The following FGF14 variants were observed in gnomAD, a reference collection of about 807,000 sequenced individuals.
FGF14 encodes fibroblast growth factor homologous factor 4.
Under a neutral mutation model 25.5 loss-of-function variants are expected in FGF14, and 5 were observed. The ratio of observed to expected loss-of-function variants is 0.20; its 90% CI spans 0.10 to 0.41. The LOEUF (loss-of-function observed/expected upper bound fraction) is 0.41, where lower values mean the gene tolerates loss of function less well. FGF14 is among the 10% of genes least tolerant of loss of function. FGF14 has a pLI of 1.00. For missense variants in FGF14, 222 were observed against 320.1 expected (o/e 0.69, Z 2.34); for synonymous variants, 138 against 118.3 (o/e 1.17, Z -1.08).
At chr13:101,759,196 C>T (rs987528237) in intron 3 of FGF14, among the ~76,000 whole-genome samples, 1 of 152,158 alleles carries the variant, frequency 6.6e-6, no homozygotes, top group Admixed American at 6.5e-5. Flanking sequence ...ACTTTTCTGT[C>T]CCCTTCCACT....
intron 3 of FGF14, among the ~76,000 whole-genome samples, chr13:101,744,119 T>C (rs1224456127): frequency 6.6e-6 from 1 of 152,166 alleles, no homozygotes; most frequent in Non-Finnish European, 1.5e-5. Flanking sequence ...CTTTGTATCT[T>C]ACTAAGGTAT....
rs976577378 is a variant in FGF14, at chr13:102,204,379, C to G, written c.208+197092G>C. On this transcript the variant is annotated intron_variant, in intron 1 of 4. Coordinates refer to the FGF14 transcript ENST00000376131. ...GATTTGGGCTGGATAAACTGGACAA[C>G]CTCATCTCCCACCCACTGTAACCAC... Among the ~76,000 whole-genome samples the G allele has an allele frequency of 3.3e-5, 5 of 152,126 alleles. No individual in the cohort carries two copies. In the East Asian group the frequency reaches 9.7e-4, roughly 29 times the overall value.
intron 1 of FGF14, among the ~76,000 whole-genome samples, chr13:102,326,770 G>C (rs1359628509): frequency 3.2e-5 from 4 of 123,524 alleles, no homozygotes; most frequent in Non-Finnish European, 5.0e-5. Context: ...AGGGAAGGAA[G>C]GAAGAAAAAA....
chr13:102,211,539 A>T (rs935180605), intron 1 of FGF14, among the ~76,000 whole-genome samples: 4 of 152,168 alleles, frequency 2.6e-5, no homozygotes, highest in Non-Finnish European at 5.9e-5. Flanking sequence ...AGTTAGAGTT[A>T]AGGGGGGAAA....
At chr13:102,318,000 AT>A (rs1207762981) in intron 1 of FGF14, among the ~76,000 whole-genome samples, 2 of 152,262 alleles carry the variant, frequency 1.3e-5, no homozygotes, top group East Asian at 3.9e-4. Context: ...GTCATGCTTG[AT>A]TTTTAATTTT....
At chr13:101,914,918 G>A (rs1239331869) in intron 1 of FGF14, among the ~76,000 whole-genome samples, 2 of 152,254 alleles carry the variant, frequency 1.3e-5, no homozygotes, top group African/African-American at 2.4e-5. Flanking sequence ...TTGATCCTCC[G>A]TCTATCAACG....
chr13:102,129,523 C>G (rs1406852549), intron 1 of FGF14, among the ~76,000 whole-genome samples: 1 of 150,334 alleles, frequency 6.7e-6, no homozygotes, highest in African/African-American at 2.5e-5. Flanking sequence ...CTCTATTTGA[C>G]ACGAATAAAG....
At position 101,723,024 on chromosome 13, in the gene FGF14, A is replaced by G. The variant is rs925654652; in HGVS notation, c.608-57T>C. The G allele has an allele frequency of 2.9e-5, 46 of 1,607,092 alleles. No individual in the cohort carries two copies. The South Asian group carries it at 5.1e-4, about 18-fold the overall frequency. On this transcript the variant is annotated intron_variant, in intron 4 of 4. Coordinates refer to ENST00000376143, the MANE Select transcript of FGF14 (RefSeq NM_004115.4). ...AAACATTGCTTGGTTAGGTGTGAGA[A>G]TGGTCCATCCATACCTGCATAGACC...
intron 1 of FGF14, among the ~76,000 whole-genome samples, chr13:101,907,971 A>G (rs2032452218): frequency 6.6e-6 from 1 of 152,196 alleles, no homozygotes. Context: ...ATCTGCAGAT[A>G]GACTTATAAA....
chr13:102,281,169 T>A (rs961807982), intron 1 of FGF14, among the ~76,000 whole-genome samples: 1 of 152,220 alleles, frequency 6.6e-6, no homozygotes, highest in African/African-American at 2.4e-5. Flanking sequence ...ATTGTTCTGA[T>A]GAAAAGTAAG....
At chr13:101,881,768 T>C (rs2045723251) in intron 1 of FGF14, among the ~76,000 whole-genome samples, 1 of 152,188 alleles carries the variant, frequency 6.6e-6, no homozygotes, top group African/African-American at 2.4e-5. Context: ...CTGTCTGAGG[T>C]GCTGGTGTGT....
intron 1 of FGF14, among the ~76,000 whole-genome samples, chr13:101,896,095 A>G (rs1383144629): frequency 1.3e-5 from 2 of 152,200 alleles, no homozygotes; most frequent in African/African-American, 4.8e-5. Flanking sequence ...TTGGTTCTCC[A>G]AGGGTATTCA....
intron 1 of FGF14, among the ~76,000 whole-genome samples, chr13:102,359,140 AG>A (rs2057497061): frequency 6.6e-6 from 1 of 152,040 alleles, no homozygotes; most frequent in Non-Finnish European, 1.5e-5. Context: ...GGCACAGGGA[AG>A]GGAACAACAC....
chr13:102,272,914 A>G (rs2053321794), intron 1 of FGF14, among the ~76,000 whole-genome samples: 1 of 152,232 alleles, frequency 6.6e-6, no homozygotes, highest in African/African-American at 2.4e-5. Context: ...ACTTTTAAAG[A>G]TAGCTTCAAA....
intron 1 of FGF14, among the ~76,000 whole-genome samples, chr13:102,124,461 T>C (rs2140378504): frequency 6.6e-6 from 1 of 152,146 alleles, no homozygotes; most frequent in East Asian, 1.9e-4. Flanking sequence ...AATATGCAGC[T>C]ATTAAAAATT....
At chr13:101,887,631 A>C (rs2046064360) in intron 1 of FGF14, among the ~76,000 whole-genome samples, 1 of 152,132 alleles carries the variant, frequency 6.6e-6, no homozygotes. Context: ...GGGCACAAAA[A>C]TACAGTTAAA....
At chr13:101,792,384 G>A (rs958562430) in intron 3 of FGF14, among the ~76,000 whole-genome samples, 4 of 152,060 alleles carry the variant, frequency 2.6e-5, no homozygotes, top group Non-Finnish European at 5.9e-5. Context: ...CACTCAGGTT[G>A]ACAACTGATG....
chr13:102,054,867 T>G (rs2042363029), intron 1 of FGF14, among the ~76,000 whole-genome samples: 1 of 152,304 alleles, frequency 6.6e-6, no homozygotes, highest in Non-Finnish European at 1.5e-5. Flanking sequence ...TCATCAAATC[T>G]CATAAGTATT....
intron 1 of FGF14, among the ~76,000 whole-genome samples, chr13:102,114,383 G>A (rs2045368078): frequency 6.6e-6 from 1 of 152,118 alleles, no homozygotes. Context: ...AGTTGACTGT[G>A]TCCTTTCCTG....
Sources: allele counts gnomAD v4.1 joint callset (sites outside exome capture counted in the v4.1 genomes callset), GRCh38; gene constraint gnomAD v4.1.1; transcripts MANE v1.5; gene names NCBI Gene and HGNC (gene_info 2026-07-23, HGNC 2026-07-21).